The following AOAH variants were observed in gnomAD, a reference collection of about 807,000 sequenced individuals.
AOAH encodes acyloxyacyl hydrolase (neutrophil).
A neutral mutation model predicts 92.2 loss-of-function variants in AOAH; 64 were observed. That is an observed-to-expected ratio of 0.69 (90% CI 0.57 to 0.86). The LOEUF (loss-of-function observed/expected upper bound fraction) is 0.86. Ranked by LOEUF, AOAH falls within the 40% of genes least tolerant of loss-of-function variation. AOAH has a pLI of 0.00. For synonymous variants in AOAH, 263 were observed against 254.5 expected, an observed-to-expected ratio of 1.03 and a Z score of -0.32; for missense variants, 656 against 694.6, an observed-to-expected ratio of 0.94 and a Z score of 0.62.
chr7:36,654,309 C>T (rs1463386750), intron 4 of AOAH, among the ~76,000 whole-genome samples: 1 of 152,164 alleles, frequency 6.6e-6, no homozygotes, highest in Non-Finnish European at 1.5e-5. Flanking sequence ...TCCTTTTCTC[C>T]TCTCTCCTTT....
intron 12 of AOAH, among the ~76,000 whole-genome samples, chr7:36,585,162 T>C (rs2116715753): frequency 6.6e-6 from 1 of 151,664 alleles, no homozygotes; most frequent in Admixed American, 6.6e-5. Flanking sequence ...AAAAGAAATG[T>C]AGCTGAAGAC....
chr7:36,613,904 G>A (rs1411714577), intron 11 of AOAH, among the ~76,000 whole-genome samples: 2 of 152,176 alleles, frequency 1.3e-5, no homozygotes, highest in Non-Finnish European at 2.9e-5. Flanking sequence ...ATATGTATCC[G>A]GATGTGTTTC....
Position 36,532,293 on chromosome 7 carries a change from C to T in AOAH, c.1358G>A (p.Cys453Tyr). 1 of 1,614,106 alleles carries T rather than the reference C, an allele frequency of 6.2e-7. No individual in the cohort carries two copies. The change falls in exon 17 of 21, where the codon TGC (cysteine) becomes TAC (tyrosine). Residue 453 changes from cysteine to tyrosine, a missense_variant. Coordinates refer to ENST00000617537, the MANE Select transcript of AOAH (RefSeq NM_001637.4). ...AAGCCAGTGAGTGCTCACCTGGAGG[C>T]AGTTCAGGAAGGAGTACAACTGCGC... The part of the protein sequence containing the change: ...TYAQLYSFLN[C>Y]LQVSPCHGWM...
intron 12 of AOAH, among the ~76,000 whole-genome samples, chr7:36,588,060 C>T (rs895762784): frequency 4.6e-5 from 7 of 152,188 alleles, no homozygotes; most frequent in African/African-American, 7.2e-5. Context: ...GCATATTTCA[C>T]ATTTCATCAG....
intron 11 of AOAH, chr7:36,598,284 G>A (rs1427167009): frequency 6.6e-6 from 1 of 152,212 alleles, no homozygotes; most frequent in Non-Finnish European, 1.5e-5. Flanking sequence ...GCCAGGGTGA[G>A]TTTGTATTCC....
intron 4 of AOAH, among the ~76,000 whole-genome samples, chr7:36,657,204 CCAGG>C (rs934751265): frequency 2.6e-5 from 4 of 152,102 alleles, no homozygotes; most frequent in African/African-American, 9.7e-5. Flanking sequence ...AGAAGACACC[CCAGG>C]GGAGTTTCTG....
intron 3 of AOAH, chr7:36,661,070 G>A (rs1306133641): frequency 1.4e-4 from 21 of 152,168 alleles, no homozygotes; most frequent in Non-Finnish European, 3.1e-4. Context: ...GGACAGTGAT[G>A]GAGTCTAGAA....
intron 13 of AOAH, among the ~76,000 whole-genome samples, chr7:36,565,517 T>C (rs999171362): frequency 6.6e-6 from 1 of 151,974 alleles, no homozygotes; most frequent in Non-Finnish European, 1.5e-5. Context: ...TCACCCAGAT[T>C]ATCTATATGT....
At chr7:36,672,575 A>G (rs562115008) in intron 3 of AOAH, among the ~76,000 whole-genome samples, 1 of 152,324 alleles carries the variant, frequency 6.6e-6, no homozygotes, top group South Asian at 2.1e-4. Flanking sequence ...AACAATGCGA[A>G]CACATGGACA....
intron 1 of AOAH, 134 bp downstream of exon 1, chr7:36,723,888 A>G: frequency 1.1e-6 from 1 of 922,518 alleles, no homozygotes; most frequent in Non-Finnish European, 1.6e-6. Flanking sequence ...TCTCTGTGTC[A>G]GTGAGGTTAC....
chr7:36,588,026 T>G (rs113060220), intron 12 of AOAH, among the ~76,000 whole-genome samples: 12 of 152,366 alleles, frequency 7.9e-5, no homozygotes, highest in African/African-American at 2.2e-4. Context: ...TTTGTTAATT[T>G]ATTATGCAGT....
Position 36,554,650 on chromosome 7 carries a change from T to A in AOAH, c.1022-5175A>T, listed in dbSNP as rs369678580. On this transcript the variant is annotated intron_variant, in intron 13 of 20. Transcript: ENST00000617537. ...GTTCTTCCATTTGTTTGTATCCTCT[T>A]TTATTTCATTGAGCAGTGGTTTGTA... 5.9e-5 allele frequency among the ~76,000 whole-genome samples: 9 copies of A among 151,854 alleles called. No homozygotes were observed. In the East Asian group the frequency reaches 1.3e-3, roughly 23 times the overall value.
chr7:36,718,077 T>C (rs1223153688), intron 1 of AOAH, among the ~76,000 whole-genome samples: 1 of 152,086 alleles, frequency 6.6e-6, no homozygotes, highest in Non-Finnish European at 1.5e-5. Flanking sequence ...AAGACGTCTA[T>C]CTAGAATATA....
At position 36,675,013 on chromosome 7, in the gene AOAH, G is replaced by A. The variant is rs572527377; in HGVS notation, c.224-1004C>T. Among the ~76,000 whole-genome samples the A allele has an allele frequency of 3.0e-4, 45 of 152,362 alleles. 1 individual carries two copies. Among genetic ancestry groups the A allele is most frequent in the African/African-American group, 1.0e-3 (42 of 41,580 alleles). ...CTCACGCCTGTAATCCCAGCACTTT[G>A]GGAGGGCAAGGCGGGTAGATCGCCT... On this transcript the variant is annotated intron_variant, in intron 2 of 20. Transcript: ENST00000617537.
intron 4 of AOAH, among the ~76,000 whole-genome samples, chr7:36,658,239 T>C (rs917934709): frequency 6.6e-6 from 1 of 152,190 alleles, no homozygotes; most frequent in Non-Finnish European, 1.5e-5. Context: ...TATTTAATAC[T>C]GTCCATCAGC....
intron 9 of AOAH, among the ~76,000 whole-genome samples, 160 bp from the exon 10 acceptor site, chr7:36,618,505 C>T (rs553001591): frequency 6.6e-6 from 1 of 152,214 alleles, no homozygotes; most frequent in Non-Finnish European, 1.5e-5. Flanking sequence ...ACGCCCTGTG[C>T]GAGCGAGTCG....
chr7:36,715,848 G>A (rs971731057), intron 1 of AOAH, among the ~76,000 whole-genome samples: 48 of 151,974 alleles, frequency 3.2e-4, no homozygotes, highest in Non-Finnish European at 5.6e-4. Flanking sequence ...AGACTTAAAT[G>A]TTAGACCTAA....
chr7:36,552,142 C>G (rs768408197), intron 13 of AOAH, among the ~76,000 whole-genome samples: 13 of 152,050 alleles, frequency 8.5e-5, no homozygotes, highest in Non-Finnish European at 1.3e-4. Flanking sequence ...CAAGCCATCA[C>G]CTAGGTATTA....
intron 2 of AOAH, among the ~76,000 whole-genome samples, chr7:36,674,963 C>T (rs1162150548): frequency 6.6e-6 from 1 of 152,236 alleles, no homozygotes; most frequent in African/African-American, 2.4e-5. Flanking sequence ...ACTTTAAATA[C>T]ACTGTGCTCG....
Sources: allele counts gnomAD v4.1 joint callset (sites outside exome capture counted in the v4.1 genomes callset), GRCh38; gene constraint gnomAD v4.1.1; transcripts MANE v1.5; gene names NCBI Gene and HGNC (gene_info 2026-07-23, HGNC 2026-07-21).